ZFHX3: variants seen among roughly 807,000 people sequenced by gnomAD.
The protein encoded by ZFHX3 is zinc finger homeobox protein 3.
Under a neutral mutation model 279.1 loss-of-function variants are expected in ZFHX3, and 42 were observed. The ratio of observed to expected loss-of-function variants is 0.15; its 90% CI spans 0.12 to 0.19. The LOEUF is 0.19. Ranked by LOEUF, ZFHX3 falls within the 10% of genes least tolerant of loss-of-function variation. The pLI, the probability that ZFHX3 is intolerant of heterozygous loss-of-function variation, is 1.00. For synonymous variants in ZFHX3, 2,293 were observed against 1,957.8 expected, an observed-to-expected ratio of 1.17 and a Z score of -4.52; for missense variants, 4,981 against 4,754.0, an observed-to-expected ratio of 1.05 and a Z score of -1.40.
chr16:72,916,468 T>A (rs911895835), intron 3 of ZFHX3, among the ~76,000 whole-genome samples: 1 of 152,180 alleles, frequency 6.6e-6, no homozygotes, highest in South Asian at 2.1e-4. Context: ...GCGTTTCTAA[T>A]AAGATGTGAA....
At chr16:73,324,052 T>C (rs911804383) in intron 3 of ZFHX3, among the ~76,000 whole-genome samples, 2 of 152,180 alleles carry the variant, frequency 1.3e-5, no homozygotes, top group Admixed American at 1.3e-4. Context: ...GGATTATCTA[T>C]CACATGAGGG....
chr16:73,046,199 C>T (rs904451466), intron 1 of ZFHX3, among the ~76,000 whole-genome samples: 18 of 152,310 alleles, frequency 1.2e-4, no homozygotes, highest in African/African-American at 4.1e-4. Context: ...GTATGTACCT[C>T]TCTGTGAAGA....
chr16:72,903,835 A>G lies in ZFHX3; in HGVS notation c.3217-13873T>C, dbSNP rs115906476. Among the ~76,000 whole-genome samples the G allele has an allele frequency of 3.5e-3, 530 of 152,292 alleles. 2 individuals are homozygous for G. The highest frequency in any genetic ancestry group is 0.012 in the African/African-American group (517 of 41,564). ...AGAAAATAAATATACCGCTAGAAAG[A>G]TCAGATCCCTGCACTATGCAGAGAC... On this transcript the variant is annotated intron_variant, in intron 3 of 9. Coordinates refer to ENST00000268489, the MANE Select transcript of ZFHX3 (RefSeq NM_006885.4).
chr16:72,961,636 T>TG (rs1011975395), intron 1 of ZFHX3, among the ~76,000 whole-genome samples: 3 of 151,736 alleles, frequency 2.0e-5, no homozygotes, highest in Non-Finnish European at 4.4e-5. Context: ...AATCTTTTTT[T>TG]TTTTTCATTT....
intron 6 of ZFHX3, among the ~76,000 whole-genome samples, chr16:73,141,420 C>T (rs954617042): frequency 4.7e-5 from 7 of 148,956 alleles, no homozygotes; most frequent in Non-Finnish European, 7.4e-5. Flanking sequence ...TTTTCAGAGA[C>T]GGGGTTTTGC....
At chr16:73,883,762 C>A (rs11150176) in intron 1 of ZFHX3, among the ~76,000 whole-genome samples, 1 of 151,682 alleles carries the variant, frequency 6.6e-6, no homozygotes, top group South Asian at 2.1e-4. Flanking sequence ...TATAACCCAG[C>A]CCCTGTGAGA....
chr16:72,861,027 A>G (rs574408890), intron 4 of ZFHX3, among the ~76,000 whole-genome samples: 25 of 152,276 alleles, frequency 1.6e-4, no homozygotes, highest in Middle Eastern at 6.8e-3. Flanking sequence ...CCTGGCCAAC[A>G]GCAACGGGTC....
In ZFHX3 at chr16:72,958,898, G is replaced by A. The variant is rs1961409284; in HGVS notation, c.1248C>T (p.Thr416=). The A allele has an allele frequency of 6.2e-7, 1 of 1,608,178 alleles. No individual in the cohort carries two copies. Among genetic ancestry groups the A allele is most frequent in the Non-Finnish European group, 8.5e-7 (1 of 1,176,936 alleles). The change falls in exon 2 of 10, where the codon ACC becomes ACT. Residue 416 remains threonine (T), a synonymous_variant. Coordinates refer to ENST00000268489, the MANE Select transcript of ZFHX3 (RefSeq NM_006885.4). ...AAGCCAGAGGCCCCAGGGGGACTGA[G>A]GTAATGGGGGTCTTCAGTACCGAGC... The part of the protein sequence containing the change: ...LTSSVLKTPI[T]SVPLGPLASS...
At chr16:73,446,389 G>A (rs367719527) in intron 3 of ZFHX3, among the ~76,000 whole-genome samples, 31 of 152,166 alleles carry the variant, frequency 2.0e-4, no homozygotes, top group African/African-American at 6.8e-4. Context: ...CATGGTGGCA[G>A]GAGGGAGAAG....
intron 1 of ZFHX3, among the ~76,000 whole-genome samples, chr16:73,794,497 A>G (rs1223262588): frequency 6.6e-6 from 1 of 152,110 alleles, no homozygotes; most frequent in Non-Finnish European, 1.5e-5. Flanking sequence ...GACACTCAAC[A>G]CCTTTAGGTT....
chr16:73,406,864 G>A (rs2017370011), intron 3 of ZFHX3, among the ~76,000 whole-genome samples: 1 of 152,174 alleles, frequency 6.6e-6, no homozygotes, highest in African/African-American at 2.4e-5. Flanking sequence ...ATCATCTTGA[G>A]CTTTGGCTGG....
chr16:73,652,263 G>C (rs1270953798), intron 2 of ZFHX3, among the ~76,000 whole-genome samples: 1 of 152,178 alleles, frequency 6.6e-6, no homozygotes, highest in Admixed American at 6.5e-5. Flanking sequence ...CTCGTACCAA[G>C]GAGAGAACAC....
chr16:73,290,042 CACACACACATAT>C (rs1422541109), intron 4 of ZFHX3, among the ~76,000 whole-genome samples: 2 of 138,178 alleles, frequency 1.4e-5, no homozygotes, highest in Non-Finnish European at 3.1e-5. Context: ...CACACACACA[CACACACACATAT>C]AGACATTTAT....
chr16:73,366,834 A>G (rs1178905385), intron 3 of ZFHX3, among the ~76,000 whole-genome samples: 1 of 152,194 alleles, frequency 6.6e-6, no homozygotes, highest in Non-Finnish European at 1.5e-5. Flanking sequence ...AAGACTATAG[A>G]GGAAAGTTCA....
At chr16:72,964,668 TAAAA>T (rs11314455) in intron 1 of ZFHX3, among the ~76,000 whole-genome samples, 1 of 143,162 alleles carries the variant, frequency 7.0e-6, no homozygotes. Flanking sequence ...TTGGTCTATT[TAAAA>T]AAAAAAAAAA....
intron 3 of ZFHX3, among the ~76,000 whole-genome samples, chr16:73,445,213 G>T (rs778797040): frequency 8.0e-5 from 12 of 150,896 alleles, no homozygotes; most frequent in African/African-American, 2.9e-4. Flanking sequence ...TACATAATTC[G>T]AATATATAAT....
At chr16:72,961,466 C>T (rs1446543914) in intron 1 of ZFHX3, among the ~76,000 whole-genome samples, 2 of 152,200 alleles carry the variant, frequency 1.3e-5, no homozygotes, top group Admixed American at 1.3e-4. Context: ...CCTCGCAGAG[C>T]CCTGATCCTT....
intron 3 of ZFHX3, among the ~76,000 whole-genome samples, chr16:73,410,405 G>C (rs916509394): frequency 2.0e-5 from 3 of 152,172 alleles, no homozygotes; most frequent in African/African-American, 7.2e-5. Flanking sequence ...AACACAGAGA[G>C]ACTCTGTCTC....
At chr16:73,106,422 A>C (rs1386168102) in intron 7 of ZFHX3, among the ~76,000 whole-genome samples, 1 of 152,098 alleles carries the variant, frequency 6.6e-6, no homozygotes. Flanking sequence ...GGATTACACA[A>C]GACGGAAGAT....
Sources: gnomAD v4.1 joint callset for allele counts (sites outside exome capture counted in the v4.1 genomes callset) on GRCh38, gnomAD v4.1.1 for gene constraint, MANE v1.5 for transcripts, NCBI Gene and HGNC (gene_info 2026-07-23, HGNC 2026-07-21) for gene names.